The following PCED1B variants were observed in gnomAD, a reference collection of about 807,000 sequenced individuals.
PCED1B encodes the protein PC-esterase domain-containing protein 1B.
For missense variants in PCED1B, 573 were observed against 573.9 expected (o/e 1.00, Z 0.02); for synonymous variants, 251 against 246.1 (o/e 1.02, Z -0.19).
intron 1 of PCED1B, among the ~76,000 whole-genome samples, chr12:47,099,182 C>T (rs1938600201): frequency 6.6e-6 from 1 of 152,162 alleles, no homozygotes; most frequent in Non-Finnish European, 1.5e-5. Context: ...TTTCCAGTAA[C>T]ATTTTAGAAG....
chr12:47,189,225 G>A (rs1259661103), intron 2 of PCED1B, among the ~76,000 whole-genome samples: 1 of 152,150 alleles, frequency 6.6e-6, no homozygotes, highest in East Asian at 1.9e-4. Flanking sequence ...TGTGTTTTTA[G>A]ATTGTTCAAG....
At chr12:47,146,562 T>G (rs1243371969) in intron 2 of PCED1B, among the ~76,000 whole-genome samples, 1 of 152,204 alleles carries the variant, frequency 6.6e-6, no homozygotes, top group East Asian at 1.9e-4. Context: ...CTTCAACAAC[T>G]ACCACCCTGA....
At chr12:47,206,670 A>T (rs374382954) in intron 2 of PCED1B, 1 of 151,904 alleles carries the variant, frequency 6.6e-6, no homozygotes, top group South Asian at 2.1e-4. Flanking sequence ...TCTTTGGGGG[A>T]CTGAGGCAGA....
chr12:47,089,462 A>ATGTATATATATATG lies in PCED1B; in HGVS notation c.-609+9738_-609+9739insGTATATATATATGT, dbSNP rs1491315323. Reference sequence around the variant, plus strand: ...ACTCCATCTCAAAAAAAAAAAATACATATATATATATATATATATATATAT... The same window carrying ATGTATATATATATG: ...ACTCCATCTCAAAAAAAAAAAATACATGTATATATATATGTATATATATATATATATATATATAT... On this transcript the variant is annotated intron_variant, in intron 1 of 3. Transcript: ENST00000546455. Among the ~76,000 whole-genome samples the ATGTATATATATATG allele has an allele frequency of 1.0e-3, 27 of 26,334 alleles. 1 individual carries two copies. Among genetic ancestry groups the ATGTATATATATATG allele is most frequent in the Non-Finnish European group, 1.6e-3 (20 of 12,780 alleles). 17.3% of individuals were successfully genotyped at this position (26,334 alleles called of 152,430 possible). A position where few individuals can be genotyped will look rare whatever the true frequency, so the allele number is the denominator to read the frequency against.
At chr12:47,162,832 C>T (rs1276704946) in intron 2 of PCED1B, among the ~76,000 whole-genome samples, 1 of 152,214 alleles carries the variant, frequency 6.6e-6, no homozygotes, top group Non-Finnish European at 1.5e-5. Flanking sequence ...CACATTTCAA[C>T]ATGAGATTTG....
intron 2 of PCED1B, among the ~76,000 whole-genome samples, chr12:47,168,187 A>G (rs533580882): frequency 4.6e-5 from 7 of 152,318 alleles, no homozygotes; most frequent in African/African-American, 1.7e-4. Context: ...ATCACAATCT[A>G]TCTGGTCCTG....
intron 2 of PCED1B, among the ~76,000 whole-genome samples, chr12:47,200,675 C>T (rs1283671032): frequency 3.3e-5 from 5 of 152,228 alleles, no homozygotes; most frequent in African/African-American, 1.2e-4. Context: ...TGTAGCAGCT[C>T]TATCATAATT....
At chr12:47,152,013 ATTAT>A (rs1941011405) in intron 2 of PCED1B, among the ~76,000 whole-genome samples, 1 of 152,264 alleles carries the variant, frequency 6.6e-6, no homozygotes. Context: ...AACTGAATAA[ATTAT>A]TTATTCAATT....
chr12:47,232,620 C>T (rs1054793875), intron 3 of PCED1B, among the ~76,000 whole-genome samples: 36 of 149,772 alleles, frequency 2.4e-4, no homozygotes, highest in African/African-American at 8.7e-4. Context: ...ATGTTCCTCC[C>T]ATTTGCAATC....
chr12:47,150,410 C>T (rs1021481849), intron 2 of PCED1B, among the ~76,000 whole-genome samples: 34 of 151,626 alleles, frequency 2.2e-4, no homozygotes, highest in African/African-American at 7.0e-4. Context: ...CCTGTCTCTA[C>T]TAAAAAAAAA....
intron 2 of PCED1B, among the ~76,000 whole-genome samples, chr12:47,177,621 G>T (rs1326906132): frequency 6.6e-6 from 1 of 152,036 alleles, no homozygotes; most frequent in Non-Finnish European, 1.5e-5. Flanking sequence ...GGGGTGGGGG[G>T]TGGCAACTAG....
intron 3 of PCED1B, among the ~76,000 whole-genome samples, chr12:47,225,611 A>T (rs1043696499): frequency 2.6e-5 from 4 of 152,218 alleles, no homozygotes; most frequent in African/African-American, 9.6e-5. Flanking sequence ...TATCTGTACC[A>T]TCCATTCCAC....
At chr12:47,217,448 G>GAA (rs1207399501) in intron 3 of PCED1B, among the ~76,000 whole-genome samples, 11 of 47,404 alleles carry the variant, frequency 2.3e-4, no homozygotes, top group African/African-American at 4.9e-4. Flanking sequence ...AAGAAAGAAA[G>GAA]AAAGAAAGAA....
At chr12:47,104,926 C>T (rs1938878412) in intron 2 of PCED1B, among the ~76,000 whole-genome samples, 1 of 152,186 alleles carries the variant, frequency 6.6e-6, no homozygotes, top group Non-Finnish European at 1.5e-5. Flanking sequence ...GCTTCCCCAG[C>T]CCTGTACCAT....
intron 3 of PCED1B, among the ~76,000 whole-genome samples, chr12:47,218,586 G>T (rs1030612143): frequency 6.6e-6 from 1 of 151,946 alleles, no homozygotes; most frequent in Non-Finnish European, 1.5e-5. Context: ...TGGGTGCAAG[G>T]TATCCTTCCA....
At chr12:47,179,160 A>G (rs1942020579) in intron 2 of PCED1B, among the ~76,000 whole-genome samples, 1 of 152,198 alleles carries the variant, frequency 6.6e-6, no homozygotes, top group Non-Finnish European at 1.5e-5. Flanking sequence ...CTAGCAACTA[A>G]TCTCCACCTT....
chr12:47,146,515 T>C (rs772668289), intron 2 of PCED1B, among the ~76,000 whole-genome samples: 1 of 152,218 alleles, frequency 6.6e-6, no homozygotes, highest in Non-Finnish European at 1.5e-5. Flanking sequence ...AATTTCATTT[T>C]TGTCTTATTT....
At chr12:47,147,307 G>A (rs1940826859) in intron 2 of PCED1B, among the ~76,000 whole-genome samples, 1 of 152,106 alleles carries the variant, frequency 6.6e-6, no homozygotes, top group Non-Finnish European at 1.5e-5. Flanking sequence ...GTGAGCCACT[G>A]TGCCTGGCCT....
At chr12:47,095,932 C>G (rs1038336587) in intron 1 of PCED1B, among the ~76,000 whole-genome samples, 2 of 151,916 alleles carry the variant, frequency 1.3e-5, no homozygotes, top group Non-Finnish European at 2.9e-5. Context: ...TTTACTCTGT[C>G]TCAGGTACTT....
Sources: gnomAD v4.1 joint callset for allele counts (sites outside exome capture counted in the v4.1 genomes callset) on GRCh38, gnomAD v4.1.1 for gene constraint, MANE v1.5 for transcripts, NCBI Gene and HGNC (gene_info 2026-07-23, HGNC 2026-07-21) for gene names.